Variants in ZNF711 observed in about 807,000 individuals in gnomAD.
ZNF711 encodes ZFX family zinc finger ZNF711, also known as zinc finger protein 711.
ZNF711 carries 3 observed loss-of-function variants against 43.5 expected under a neutral mutation model. The ratio of observed to expected loss-of-function variants is 0.07; its 90% CI spans 0.03 to 0.18. ZNF711 has a LOEUF of 0.18. ZNF711 is among the 10% of genes least tolerant of loss of function. ZNF711 has a pLI of 1.00. For synonymous variants in ZNF711, 209 were observed against 207.7 expected (o/e 1.01, Z -0.06); for missense variants, 412 against 604.0 (o/e 0.68, Z 3.33).
chrX:85,252,195 A>G (rs1160931987), intron 4 of ZNF711, among the ~76,000 whole-genome samples: 5 of 112,294 alleles, frequency 4.5e-5, no homozygotes, highest in African/African-American at 1.6e-4. Context: ...GGGACTTACC[A>G]ATTCTTGGTC....
intron 5 of ZNF711, among the ~76,000 whole-genome samples, chrX:85,256,636 A>AGT (rs1569263582): frequency 9.1e-6 from 1 of 110,472 alleles, no homozygotes; most frequent in Non-Finnish European, 1.9e-5. Flanking sequence ...CACCAGGTAG[A>AGT]GTGTGTGTGT....
chrX:85,257,100 T>C (rs998242662), intron 5 of ZNF711, among the ~76,000 whole-genome samples: 3 of 112,088 alleles, frequency 2.7e-5, no homozygotes, highest in African/African-American at 9.7e-5. Flanking sequence ...TCTGCAAAAG[T>C]TTTTTAAAAA....
At chrX:85,252,025 G>T (rs752548398) in intron 4 of ZNF711, among the ~76,000 whole-genome samples, 2 of 111,931 alleles carry the variant, frequency 1.8e-5, no homozygotes, top group East Asian at 5.6e-4. Flanking sequence ...CAGGTTGCTT[G>T]TTGGATAGTC....
In ZNF711 at chrX:85,248,343, C is replaced by A. The variant is rs539646367; in HGVS notation, c.79+692C>A. 6.1e-4 allele frequency among the ~76,000 whole-genome samples: 66 copies of A among 108,048 alleles called. No homozygotes were observed. In the South Asian group the frequency reaches 0.027, roughly 44 times the overall value. 93.8% of individuals were successfully genotyped at this position (108,048 alleles called of 115,157 possible). ...GATTAGCTGAGCGTGGTGGAGCACG[C>A]CTGTAGTCCCAGCTACTCAGGAGGC... On this transcript the variant is annotated intron_variant, in intron 4 of 10. Transcript: ENST00000674551.
intron 5 of ZNF711, among the ~76,000 whole-genome samples, chrX:85,258,310 A>T (rs1162898755): frequency 1.8e-5 from 2 of 110,834 alleles, no homozygotes; most frequent in Non-Finnish European, 3.8e-5. Context: ...TCTCTCATAT[A>T]TGGGAGCTAA....
intron 4 of ZNF711, among the ~76,000 whole-genome samples, chrX:85,248,173 T>TTAA (rs1929205020): frequency 1.0e-5 from 1 of 99,246 alleles, no homozygotes. Flanking sequence ...TTTTTTTTTT[T>TTAA]AAAAAAAAAA....
At chrX:85,244,583 T>C (rs1928835229) in intron 1 of ZNF711, among the ~76,000 whole-genome samples, 1 of 110,931 alleles carries the variant, frequency 9.0e-6, no homozygotes, top group African/African-American at 3.3e-5. Context: ...CCATATTCTT[T>C]TCACTGGCGC....
At chrX:85,246,607 A>G (rs1929070626) in intron 2 of ZNF711, among the ~76,000 whole-genome samples, 1 of 112,273 alleles carries the variant, frequency 8.9e-6, no homozygotes, top group Non-Finnish European at 1.9e-5. Context: ...AAAGGAGATA[A>G]GTGCCTTATA....
intron 5 of ZNF711, among the ~76,000 whole-genome samples, chrX:85,259,931 G>C (rs1241440486): frequency 9.0e-6 from 1 of 111,325 alleles, no homozygotes; most frequent in African/African-American, 3.3e-5. Flanking sequence ...ATGCTGAATA[G>C]GAGTGATGAG....
Position 85,244,136 on chromosome X carries a change from GGCGGCGGCGGCAGCGGCGGCGGCA to G in ZNF711, c.-446_-423del, listed in dbSNP as rs749486374. ...CTGGCGGCACGGAGGCGGCGGCGGCGGCGGCGGCGGCAGCGGCGGCGGCAGCGGCGGCGGCAGCTGTAGCTGCAG... is the reference window on the plus strand; with the variant it reads ...CTGGCGGCACGGAGGCGGCGGCGGCGGCGGCGGCGGCAGCTGTAGCTGCAG... On this transcript the variant is annotated 5_prime_UTR_variant, in exon 1 of 11. Transcript: ENST00000674551. The G allele has an allele frequency of 3.3e-4, 49 of 148,547 alleles. No individual in the cohort carries two copies. Among genetic ancestry groups the G allele is most frequent in the Middle Eastern group, 2.6e-3 (1 of 381 alleles). The allele number at this position is 148,547 out of a possible 1,213,427, so 12.2% of individuals were successfully genotyped here.
chrX:85,248,412 C>T (rs183851767), intron 4 of ZNF711, among the ~76,000 whole-genome samples: 4 of 93,438 alleles, frequency 4.3e-5, no homozygotes, highest in Admixed American at 4.1e-4. Flanking sequence ...GAGGTTGCAA[C>T]GAGCTGAGCT....
At chrX:85,248,173 T>TAA (rs1441888522) in intron 4 of ZNF711, among the ~76,000 whole-genome samples, 3 of 99,240 alleles carry the variant, frequency 3.0e-5, no homozygotes, top group Admixed American at 1.1e-4. Context: ...TTTTTTTTTT[T>TAA]AAAAAAAAAA....
chrX:85,257,175 G>A (rs1274617953), intron 5 of ZNF711, among the ~76,000 whole-genome samples: 1 of 111,483 alleles, frequency 9.0e-6, no homozygotes, highest in Non-Finnish European at 1.9e-5. Context: ...CAAATACAAG[G>A]ACTCCTTTGA....
intron 5 of ZNF711, among the ~76,000 whole-genome samples, chrX:85,257,711 G>A (rs1930295271): frequency 8.9e-6 from 1 of 112,655 alleles, no homozygotes; most frequent in Non-Finnish European, 1.9e-5. Context: ...GAGTTGAATG[G>A]TAGTTCTGTT....
intron 5 of ZNF711, among the ~76,000 whole-genome samples, chrX:85,259,179 C>T (rs1254553766): frequency 1.8e-5 from 2 of 110,796 alleles, no homozygotes; most frequent in African/African-American, 6.5e-5. Context: ...CCATTGCTTA[C>T]TTCTGTTGAT....
intron 5 of ZNF711, among the ~76,000 whole-genome samples, chrX:85,256,809 ATAATG>A (rs1203893505): frequency 7.2e-5 from 8 of 111,666 alleles, no homozygotes; most frequent in South Asian, 3.7e-4. Flanking sequence ...TTTTAAGAAA[ATAATG>A]TAAGCCACTA....
intron 4 of ZNF711, among the ~76,000 whole-genome samples, chrX:85,249,006 C>G (rs1433286722): frequency 1.8e-5 from 2 of 111,740 alleles, no homozygotes; most frequent in African/African-American, 3.3e-5. Flanking sequence ...AGGTCCTCTC[C>G]AGTTATAGAA....
chrX:85,271,180 A>G lies in ZNF711; in HGVS notation c.1776A>G (p.Ser592=). 1 of 1,210,096 alleles carries G rather than the reference A, an allele frequency of 8.3e-7. No homozygotes were observed. Among genetic ancestry groups the G allele is most frequent in the Non-Finnish European group, 1.1e-6 (1 of 894,724 alleles). ...GTATTTTCAGGTGTGCAGATCAATCAAATCTGAAAACTCACATTAAGTCTA... is the reference window on the plus strand; with the variant it reads ...GTATTTTCAGGTGTGCAGATCAATCGAATCTGAAAACTCACATTAAGTCTA... ...QYCIFRCADQ[S]NLKTHIKSKH... The change falls in exon 11 of 11, where the codon TCA becomes TCG. Residue 592 remains serine (S), a synonymous_variant. Coordinates refer to ENST00000674551, the MANE Select transcript of ZNF711 (RefSeq NM_001330574.2).
At chrX:85,260,551 A>G (rs1930541318) in intron 5 of ZNF711, among the ~76,000 whole-genome samples, 1 of 108,834 alleles carries the variant, frequency 9.2e-6, no homozygotes, top group Non-Finnish European at 1.9e-5. Context: ...ACCACAATCA[A>G]TTTTAGAACT....
Sources: allele counts gnomAD v4.1 joint callset (sites outside exome capture counted in the v4.1 genomes callset), GRCh38; gene constraint gnomAD v4.1.1; transcripts MANE v1.5; gene names NCBI Gene and HGNC (gene_info 2026-07-23, HGNC 2026-07-21).